Variants in DENND1A observed in about 807,000 individuals in gnomAD.
The protein encoded by DENND1A is DENN domain-containing protein 1A.
Under a neutral mutation model 113.7 loss-of-function variants are expected in DENND1A, and 51 were observed. The observed-to-expected ratio is 0.45, with a 90% CI of 0.36 to 0.57. DENND1A has a LOEUF of 0.57. DENND1A is among the 20% of genes least tolerant of loss of function. DENND1A has a pLI of 0.00. For missense variants in DENND1A, 1,258 were observed against 1,395.9 expected (o/e 0.90, Z 1.57); for synonymous variants, 565 against 570.8 (o/e 0.99, Z 0.14).
At chr9:123,841,376 T>C (rs912406710) in intron 2 of DENND1A, among the ~76,000 whole-genome samples, 2 of 152,198 alleles carry the variant, frequency 1.3e-5, no homozygotes, top group Non-Finnish European at 2.9e-5. Context: ...AAATAATGTT[T>C]CTCCAGTAAT....
chr9:123,387,345 C>T (rs1270464933), intron 22 of DENND1A, among the ~76,000 whole-genome samples: 3 of 152,168 alleles, frequency 2.0e-5, no homozygotes, highest in Non-Finnish European at 4.4e-5. Context: ...TCTTTTTTAA[C>T]TTAAACTCTG....
chr9:123,757,730 C>G lies in DENND1A; in HGVS notation c.275G>C (p.Gly92Ala), dbSNP rs756986497. ...QRFGFCRLSS[G>A]AKSCFCILSY... ...TAAGATACAGAAGCAGCTCTTCGCT[C>G]CTGAAGATAAGCGGCAGAACCCGAA... The change falls in exon 5 of 24, where the codon GGA (glycine) becomes GCA (alanine). Residue 92 changes from glycine to alanine, a missense_variant. Transcript: ENST00000394215. The G allele has an allele frequency of 6.2e-7, 1 of 1,613,940 alleles. No homozygotes were observed. The highest frequency in any genetic ancestry group is 8.5e-7 in the Non-Finnish European group (1 of 1,180,002).
chr9:123,665,161 C>G (rs920406652), intron 8 of DENND1A, among the ~76,000 whole-genome samples: 2 of 152,110 alleles, frequency 1.3e-5, no homozygotes, highest in East Asian at 3.8e-4. Flanking sequence ...TGTAAGAGCT[C>G]AGTCTCAAGA....
At chr9:123,757,970 G>T in intron 4 of DENND1A, 148 bp from the exon 5 acceptor site, 7 of 604,630 alleles carry the variant, frequency 1.2e-5, no homozygotes, top group East Asian at 4.3e-5. Flanking sequence ...CAGACTGTAA[G>T]CTAGTTAAAA....
intron 21 of DENND1A, among the ~76,000 whole-genome samples, chr9:123,388,667 G>A (rs534218959): frequency 6.6e-6 from 1 of 152,284 alleles, no homozygotes; most frequent in South Asian, 2.1e-4. Flanking sequence ...CCACCTGTGA[G>A]CTCTACCTCT....
At chr9:123,782,254 C>A (rs190418584) in intron 3 of DENND1A, among the ~76,000 whole-genome samples, 1 of 152,170 alleles carries the variant, frequency 6.6e-6, no homozygotes, top group East Asian at 1.9e-4. Flanking sequence ...TGGAAGAGTG[C>A]TCTGATAAAA....
chr9:123,506,741 C>T (rs2052987450), intron 13 of DENND1A, among the ~76,000 whole-genome samples: 1 of 152,142 alleles, frequency 6.6e-6, no homozygotes, highest in Admixed American at 6.5e-5. Flanking sequence ...TACAGGGTCA[C>T]ATAGCCAGAA....
Position 123,869,090 on chromosome 9 carries a change from T to C in DENND1A, c.88+9861A>G, listed in dbSNP as rs570437386. Among the ~76,000 whole-genome samples the C allele has an allele frequency of 3.3e-5, 5 of 152,348 alleles. No individual in the cohort carries two copies. In the South Asian group the frequency reaches 6.2e-4, roughly 19 times the overall value. ...TCATTTATTCTTTAAACTGTATACA[T>C]ACATATGCATTATATAATTTGTGTG... On this transcript the variant is annotated intron_variant, in intron 2 of 23. Transcript: ENST00000394215.
At chr9:123,440,534 G>A (rs1430982147) in intron 18 of DENND1A, 43 bp from the exon 19 acceptor site, 1 of 1,521,326 alleles carries the variant, frequency 6.6e-7, no homozygotes. Flanking sequence ...TGGGGTTCTG[G>A]CACCCATGTT....
intron 13 of DENND1A, among the ~76,000 whole-genome samples, chr9:123,554,494 T>C (rs1324418067): frequency 6.6e-6 from 1 of 152,206 alleles, no homozygotes; most frequent in Non-Finnish European, 1.5e-5. Context: ...TGTTGTTACA[T>C]CATATTTTAG....
At chr9:123,630,834 C>A (rs1473487661) in intron 9 of DENND1A, among the ~76,000 whole-genome samples, 2 of 152,150 alleles carry the variant, frequency 1.3e-5, no homozygotes, top group Non-Finnish European at 2.9e-5. Flanking sequence ...CAGTATTCTT[C>A]TGTGTTTCTT....
chr9:123,392,590 C>T (rs1234609011), intron 21 of DENND1A, among the ~76,000 whole-genome samples: 1 of 152,212 alleles, frequency 6.6e-6, no homozygotes, highest in Non-Finnish European at 1.5e-5. Context: ...GTCTAACCAT[C>T]CACTACCCTC....
intron 5 of DENND1A, among the ~76,000 whole-genome samples, chr9:123,723,684 A>T (rs2067498810): frequency 6.6e-6 from 1 of 152,024 alleles, no homozygotes; most frequent in Non-Finnish European, 1.5e-5. Context: ...GTAAGATGTG[A>T]TTTGCTCCCC....
chr9:123,596,695 T>C (rs2059708826), intron 11 of DENND1A, among the ~76,000 whole-genome samples: 1 of 152,178 alleles, frequency 6.6e-6, no homozygotes, highest in Non-Finnish European at 1.5e-5. Flanking sequence ...GTGACCTCCA[T>C]GTATAGACTT....
In DENND1A at chr9:123,381,685, A is replaced by G. The variant is rs1453608974; in HGVS notation, c.2960T>C (p.Leu987Pro). 1.3e-6 allele frequency: 2 copies of G among 1,581,530 alleles called. No individual in the cohort carries two copies. The highest frequency in any genetic ancestry group is 1.7e-6 in the Non-Finnish European group (2 of 1,163,786). Residue 987 changes from leucine (L) to proline (P), a missense_variant, in exon 24 of 24, where the codon CTG (leucine) becomes CCG (proline). Leu to Pro is a moderately conservative substitution (Grantham distance 98). Coordinates refer to ENST00000394215, the MANE Select transcript of DENND1A (RefSeq NM_001352964.2). This position sits in a 1 kb window ranked among gnomAD's most constrained non-coding sequence, Gnocchi z 4.7. ...AGCAGCCCTGGCACTTGAGCGGGCC[A>G]GGGGCAACGTTCGGATCCTCGACGG... ...VAPSRIRTLPLARSSARAAET... is the reference protein window; with the variant it reads ...VAPSRIRTLPPARSSARAAET...
intron 1 of DENND1A, among the ~76,000 whole-genome samples, chr9:123,891,219 T>G (rs1198363431): frequency 6.6e-6 from 1 of 152,198 alleles, no homozygotes; most frequent in Non-Finnish European, 1.5e-5. Flanking sequence ...CTCTCCTTCA[T>G]GGTCCCAAGT....
At chr9:123,724,518 T>TAA (rs61709188) in intron 5 of DENND1A, among the ~76,000 whole-genome samples, 2 of 142,800 alleles carry the variant, frequency 1.4e-5, no homozygotes, top group Admixed American at 7.0e-5. Flanking sequence ...AGCATAAAAT[T>TAA]AAAAAAAAAA....
chr9:123,911,582 A>G (rs755331225), intron 1 of DENND1A, among the ~76,000 whole-genome samples: 74 of 152,236 alleles, frequency 4.9e-4, no homozygotes, highest in Admixed American at 9.2e-4. Context: ...TACCAACACA[A>G]TGTAGAGCAG....
chr9:123,684,010 T>A (rs1472256577), intron 5 of DENND1A, among the ~76,000 whole-genome samples: 3 of 152,198 alleles, frequency 2.0e-5, no homozygotes, highest in Admixed American at 6.5e-5. Flanking sequence ...GAGTCTGGGA[T>A]AAATAATGAG....
Sources: allele counts gnomAD v4.1 joint callset (sites outside exome capture counted in the v4.1 genomes callset), GRCh38; gene constraint gnomAD v4.1.1; non-coding constraint Gnocchi (gnomAD v3.1); transcripts MANE v1.5; gene names NCBI Gene and HGNC (gene_info 2026-07-23, HGNC 2026-07-21).